The following SULF2 variants were observed in gnomAD, a reference collection of about 807,000 sequenced individuals.
SULF2 encodes sulfatase 2, also known as extracellular sulfatase Sulf-2.
In SULF2, 52 loss-of-function variants were observed where a neutral mutation model predicts 107.7. The ratio of observed to expected loss-of-function variants is 0.48; its 90% confidence interval spans 0.39 to 0.61. The LOEUF is 0.61. Among genes scored for constraint, SULF2 ranks in the 20% least tolerant of loss-of-function variants. The pLI is 0.00. For synonymous variants in SULF2, 460 were observed against 464.3 expected (o/e 0.99, Z 0.12); for missense variants, 993 against 1,177.3 (o/e 0.84, Z 2.29).
At chr20:47,665,802 G>A (rs2087245090) in intron 13 of SULF2, 55 bp downstream of exon 13, 8 of 1,482,550 alleles carry the variant, frequency 5.4e-6, no homozygotes, top group Admixed American at 1.7e-5. Flanking sequence ...TGAACCGGGG[G>A]TCCTGCCAGG....
intron 1 of SULF2, among the ~76,000 whole-genome samples, chr20:47,780,679 G>C (rs13037377): frequency 0.057 from 8,672 of 152,150 alleles, 310 homozygotes; most frequent in African/African-American, 0.094. Flanking sequence ...TCAGCCTCCT[G>C]TGTAGCTGGA....
intron 4 of SULF2, among the ~76,000 whole-genome samples, chr20:47,698,866 T>C (rs530395740): frequency 3.9e-5 from 6 of 152,200 alleles, no homozygotes; most frequent in Non-Finnish European, 7.4e-5. Flanking sequence ...ACCCCATCTC[T>C]ACTAAAAATA....
intron 2 of SULF2, among the ~76,000 whole-genome samples, chr20:47,742,071 G>GC (rs1460569596): frequency 6.6e-6 from 1 of 152,232 alleles, no homozygotes; most frequent in African/African-American, 2.4e-5. Context: ...GGACAACAGT[G>GC]CCCCGGAATG....
At chr20:47,757,558 T>C in intron 1 of SULF2, 95 bp from the exon 2 acceptor site, 2 of 635,564 alleles carry the variant, frequency 3.1e-6, no homozygotes, top group Non-Finnish European at 5.2e-6. Context: ...GCATGAACAA[T>C]GGGAGTTTCT....
rs574611334 is a variant in SULF2 at position 47,715,866 on chromosome 20, A to G, written c.416-13196T>C. ...AGTGCTGGGATTACAGGCGTGAGCCACTGCGCCTGGCTGAGAACGTAGATT... is the reference window on the plus strand; with the variant it reads ...AGTGCTGGGATTACAGGCGTGAGCCGCTGCGCCTGGCTGAGAACGTAGATT... On this transcript the variant is annotated intron_variant, in intron 3 of 20. Coordinates refer to ENST00000688720, the MANE Select transcript of SULF2 (RefSeq NM_001387048.1). Among the ~76,000 whole-genome samples the G allele has an allele frequency of 3.3e-5, 5 of 152,382 alleles. No individual in the cohort carries two copies. In the South Asian group the frequency reaches 1.0e-3, roughly 32 times the overall value.
At chr20:47,698,474 C>A (rs2088456937) in intron 4 of SULF2, among the ~76,000 whole-genome samples, 1 of 152,032 alleles carries the variant, frequency 6.6e-6, no homozygotes, top group Non-Finnish European at 1.5e-5. Context: ...GGCCAGGAAG[C>A]TGGGAGGATA....
Position 47,690,370 on chromosome 20 carries a change from C to T in SULF2, c.568-75G>A, listed in dbSNP as rs892807761. On this transcript the variant is annotated intron_variant, in intron 4 of 20. Coordinates refer to ENST00000688720, the MANE Select transcript of SULF2 (RefSeq NM_001387048.1). ...ACTGGTGTCCACTACGTGCCAGGCA[C>T]CCTGCTAGGCACTGGGGACACAATA... The T allele has an allele frequency of 5.8e-6, 7 of 1,198,540 alleles. No individual in the cohort carries two copies. The African/African-American group carries it at 7.8e-5, about 13-fold the overall frequency. The allele number at this position is 1,198,540 out of a possible 1,614,324, so 74.2% of individuals were successfully genotyped here. A position where few individuals can be genotyped will look rare whatever the true frequency, so the allele number is the denominator to read the frequency against.
rs1452737326 is a variant in SULF2 at position 47,672,368 on chromosome 20, G to A, written c.1406C>T (p.Thr469Met). The A allele has an allele frequency of 2.5e-6, 4 of 1,611,730 alleles. No individual in the cohort carries two copies. The highest frequency in any genetic ancestry group is 2.5e-6 in the Non-Finnish European group (3 of 1,179,582). The change falls in exon 11 of 21, where the codon ACG becomes ATG. Residue 469 changes from threonine to methionine, a missense_variant. This residue lies in a region of SULF2 where 497 missense variants were observed against 544.1 expected (regional missense o/e 0.91). Transcript: ENST00000688720. ...GCACTTATGCAGCTTCAGCTTCCCC[G>A]TGGCGTCCTCCACACACTGCCACTT... is the stretch of plus-strand genomic sequence containing the variant. ...GQKWQCVEDATGKLKLHKCKG... is the reference protein window; with the variant it reads ...GQKWQCVEDAMGKLKLHKCKG...
intron 3 of SULF2, among the ~76,000 whole-genome samples, chr20:47,724,787 C>T (rs1008266483): frequency 6.6e-6 from 1 of 152,170 alleles, no homozygotes. Context: ...ATTTAATTAT[C>T]GCCTTGGAGG....
intron 3 of SULF2, among the ~76,000 whole-genome samples, chr20:47,707,126 A>T (rs909969489): frequency 4.6e-5 from 7 of 151,892 alleles, no homozygotes; most frequent in Admixed American, 3.9e-4. Context: ...AGTAGCTGGG[A>T]TTACAGGCAT....
chr20:47,672,868 C>A (rs1468184111), intron 10 of SULF2, among the ~76,000 whole-genome samples: 1 of 152,160 alleles, frequency 6.6e-6, no homozygotes, highest in African/African-American at 2.4e-5. Context: ...GGGCTGCTGC[C>A]CCAGGGACTT....
At chr20:47,684,624 C>T in intron 5 of SULF2, 43 bp from the exon 6 acceptor site, 1 of 1,594,034 alleles carries the variant, frequency 6.3e-7, no homozygotes, top group Non-Finnish European at 8.6e-7. Flanking sequence ...CCAGGGACAG[C>T]CTGGACCCTG....
At chr20:47,765,106 C>A (rs767937828) in intron 1 of SULF2, among the ~76,000 whole-genome samples, 1 of 152,150 alleles carries the variant, frequency 6.6e-6, no homozygotes, top group Non-Finnish European at 1.5e-5. Flanking sequence ...AATCCCAGCA[C>A]TTTGGGAGGC....
At chr20:47,769,712 C>A (rs1033538966) in intron 1 of SULF2, among the ~76,000 whole-genome samples, 1 of 152,168 alleles carries the variant, frequency 6.6e-6, no homozygotes, top group Non-Finnish European at 1.5e-5. Context: ...ATGGATCAGA[C>A]ACCAAAATAA....
At chr20:47,733,338 T>C (rs1348840381) in intron 3 of SULF2, among the ~76,000 whole-genome samples, 2 of 152,248 alleles carry the variant, frequency 1.3e-5, no homozygotes, top group African/African-American at 4.8e-5. Flanking sequence ...CCTAGTGAAG[T>C]AAAGGATATC....
At chr20:47,708,914 C>A (rs1764278402) in intron 3 of SULF2, among the ~76,000 whole-genome samples, 1 of 152,266 alleles carries the variant, frequency 6.6e-6, no homozygotes, top group Non-Finnish European at 1.5e-5. Context: ...TTTCTCCAAC[C>A]CCCAACCCTT....
At chr20:47,761,867 G>A (rs956585634) in intron 1 of SULF2, among the ~76,000 whole-genome samples, 2 of 152,230 alleles carry the variant, frequency 1.3e-5, no homozygotes, top group East Asian at 1.9e-4. Flanking sequence ...ATTCCCACGT[G>A]TTGTGGGAGG....
At chr20:47,742,089 C>A (rs1452226011) in intron 2 of SULF2, among the ~76,000 whole-genome samples, 1 of 152,246 alleles carries the variant, frequency 6.6e-6, no homozygotes, top group Non-Finnish European at 1.5e-5. Context: ...ATGACAGCAG[C>A]ATCTGTGCAT....
chr20:47,700,865 C>T (rs1369979408), intron 4 of SULF2, among the ~76,000 whole-genome samples: 1 of 152,058 alleles, frequency 6.6e-6, no homozygotes, highest in Non-Finnish European at 1.5e-5. Flanking sequence ...AGGCTGGCCT[C>T]GAACTCCTGA....
Sources: allele counts gnomAD v4.1 joint callset (sites outside exome capture counted in the v4.1 genomes callset), GRCh38; gene constraint gnomAD v4.1.1; regional missense constraint gnomAD v4.1.1; transcripts MANE v1.5; gene names NCBI Gene and HGNC (gene_info 2026-07-23, HGNC 2026-07-21).